Variants in TRAF2 observed in about 807,000 individuals in gnomAD.
TRAF2 encodes TNF receptor-associated factor 2.
A neutral mutation model predicts 55.6 loss-of-function variants in TRAF2; 6 were observed. That is an observed-to-expected ratio of 0.11 (90% CI 0.06 to 0.21). The LOEUF is 0.21. Among genes scored for constraint, TRAF2 ranks in the 10% least tolerant of loss-of-function variants. The probability of loss-of-function intolerance (pLI) is 1.00; values close to 1 mark genes in which losing one functional copy is unlikely to be tolerated. For synonymous variants in TRAF2, 329 were observed against 276.3 expected (o/e 1.19, Z -1.89); for missense variants, 561 against 684.5 (o/e 0.82, Z 2.01).
chr9:136,923,079 C>T (rs2131335145), intron 9 of TRAF2, among the ~76,000 whole-genome samples: 1 of 152,290 alleles, frequency 6.6e-6, no homozygotes. Flanking sequence ...CTGCCGGGTT[C>T]TGGCTGTCAC....
intron 6 of TRAF2, among the ~76,000 whole-genome samples, chr9:136,913,090 C>T (rs1196798705): frequency 1.3e-5 from 2 of 152,138 alleles, no homozygotes; most frequent in Non-Finnish European, 2.9e-5. Flanking sequence ...TCGCAGTGAG[C>T]CAAGATCGCG....
intron 6 of TRAF2, among the ~76,000 whole-genome samples, chr9:136,913,887 G>GC (rs1850180357): frequency 6.6e-6 from 1 of 152,070 alleles, no homozygotes; most frequent in African/African-American, 2.4e-5. Flanking sequence ...CCTCACCACT[G>GC]CCTGGGACAT....
chr9:136,924,155 G>A (rs1037569185), intron 10 of TRAF2, among the ~76,000 whole-genome samples, 155 bp downstream of exon 10: 14 of 152,206 alleles, frequency 9.2e-5, no homozygotes, highest in African/African-American at 3.4e-4. Context: ...GCTGTGTCAC[G>A]CGGTGGAGAG....
chr9:136,888,022 A>G (rs1354218371), intron 1 of TRAF2, among the ~76,000 whole-genome samples: 3 of 151,830 alleles, frequency 2.0e-5, no homozygotes, highest in Admixed American at 2.0e-4. Context: ...GGCGTGCACC[A>G]CCACGCCCGG....
chr9:136,920,005 A>C (rs1850344947), intron 7 of TRAF2, among the ~76,000 whole-genome samples: 1 of 152,184 alleles, frequency 6.6e-6, no homozygotes, highest in Non-Finnish European at 1.5e-5. Context: ...GTTGCTAGCT[A>C]CTGTGCCTGG....
chr9:136,907,925 C>T (rs1297219484), intron 4 of TRAF2, 145 bp from the exon 5 acceptor site: 4 of 989,068 alleles, frequency 4.0e-6, no homozygotes, highest in Non-Finnish European at 6.0e-6. Context: ...TGTGGGAGCC[C>T]TGAGAGCTAT....
intron 1 of TRAF2, among the ~76,000 whole-genome samples, chr9:136,892,089 G>C (rs1478089786): frequency 6.6e-6 from 1 of 152,092 alleles, no homozygotes; most frequent in East Asian, 1.9e-4. Flanking sequence ...ACACTGGCAT[G>C]ACTGCACTCA....
At position 136,926,380 on chromosome 9, in the gene TRAF2, C is replaced by A; in HGVS notation, c.*479C>A. On this transcript the variant is annotated 3_prime_UTR_variant, in exon 11 of 11. Coordinates refer to ENST00000247668, the MANE Select transcript of TRAF2 (RefSeq NM_021138.4). ...AAGGAAGGCTGAGCAGCTTGGTTCTCCCCTCTGGCCCCTGGAGAGAAGGGA... is the reference window on the plus strand; with the variant it reads ...AAGGAAGGCTGAGCAGCTTGGTTCTACCCTCTGGCCCCTGGAGAGAAGGGA... The A allele has an allele frequency of 6.5e-6, 2 of 308,592 alleles. No individual in the cohort carries two copies. Among genetic ancestry groups the A allele is most frequent in the East Asian group, 8.4e-5 (1 of 11,876 alleles). 19.1% of individuals were successfully genotyped at this position (308,592 alleles called of 1,614,324 possible). A position where few individuals can be genotyped will look rare whatever the true frequency, so the allele number is the denominator to read the frequency against.
chr9:136,909,948 C>G lies in TRAF2; in HGVS notation c.557C>G (p.Pro186Arg), dbSNP rs888104896. 11 of 1,614,050 alleles carry G rather than the reference C, an allele frequency of 6.8e-6. No individual in the cohort carries two copies. Among genetic ancestry groups the G allele is most frequent in the Middle Eastern group, 1.6e-4 (1 of 6,082 alleles). Residue 186 changes from proline (P) to arginine (R), a missense_variant, in exon 6 of 11, where the codon CCC becomes CGC. Transcript: ENST00000247668. ...KAHHEVCPKF[P>R]LTCDGCGKKK... ...CACCACGAGGTCTGCCCCAAGTTCCCCTTAACTTGTGACGGCTGCGGCAAG... is the reference window on the plus strand; with the variant it reads ...CACCACGAGGTCTGCCCCAAGTTCCGCTTAACTTGTGACGGCTGCGGCAAG...
chr9:136,894,869 A>G (rs946715751), intron 1 of TRAF2, among the ~76,000 whole-genome samples: 1 of 152,204 alleles, frequency 6.6e-6, no homozygotes, highest in African/African-American at 2.4e-5. Flanking sequence ...AGTCCCAGCC[A>G]CTGGAGAAAC....
chr9:136,911,867 T>TTTTTTTTTTG (rs71385780), intron 6 of TRAF2, among the ~76,000 whole-genome samples: 1 of 141,868 alleles, frequency 7.0e-6, no homozygotes, highest in Admixed American at 7.0e-5. Context: ...TTTTTTTTTT[T>TTTTTTTTTTG]GAGATGGAGT....
intron 5 of TRAF2, among the ~76,000 whole-genome samples, chr9:136,908,572 G>A (rs879520874): frequency 3.4e-5 from 5 of 148,904 alleles, no homozygotes; most frequent in Non-Finnish European, 7.4e-5. Flanking sequence ...AATGCAAAAA[G>A]TTAGCCAGGA....
At chr9:136,903,501 A>G (rs1401917916) in intron 4 of TRAF2, among the ~76,000 whole-genome samples, 1 of 151,678 alleles carries the variant, frequency 6.6e-6, no homozygotes, top group East Asian at 1.9e-4. Context: ...ATTTGCGTCA[A>G]ATGTGTAGTT....
At chr9:136,898,474 T>C (rs2784075) in intron 1 of TRAF2, 465,133 of 590,252 alleles carry the variant, frequency 0.79, 183,936 homozygotes, top group East Asian at 0.88. Flanking sequence ...GTTGTGTGGA[T>C]GCCAGCTGTG....
intron 1 of TRAF2, chr9:136,898,495 C>G: frequency 1.3e-6 from 1 of 797,448 alleles, no homozygotes; most frequent in South Asian, 5.7e-5. Flanking sequence ...TGGTCCCCAG[C>G]CTCACTGAGC....
At chr9:136,907,958 C>A in intron 4 of TRAF2, 112 bp from the exon 5 acceptor site, 1 of 1,393,192 alleles carries the variant, frequency 7.2e-7, no homozygotes, top group Non-Finnish European at 9.7e-7. Context: ...GCCCCCAGGA[C>A]CAGCATGCGG....
chr9:136,899,290 G>GT (rs1564408196), intron 2 of TRAF2, among the ~76,000 whole-genome samples: 5 of 152,232 alleles, frequency 3.3e-5, no homozygotes, highest in Admixed American at 3.3e-4. Context: ...GGTCTGAGAG[G>GT]TGTGGCCTGT....
chr9:136,898,023 C>T (rs1849725425), intron 1 of TRAF2, among the ~76,000 whole-genome samples: 1 of 112,920 alleles, frequency 8.9e-6, no homozygotes, highest in African/African-American at 3.5e-5. Context: ...GTGCTACGTT[C>T]CCGCTCTCAG....
At chr9:136,902,528 C>G (rs1849845282) in intron 4 of TRAF2, 1 of 152,292 alleles carries the variant, frequency 6.6e-6, no homozygotes, top group Non-Finnish European at 1.5e-5. Context: ...TAGCCAGCCC[C>G]TGGCCTGGGG....
Sources: allele counts gnomAD v4.1 joint callset (sites outside exome capture counted in the v4.1 genomes callset), GRCh38; gene constraint gnomAD v4.1.1; transcripts MANE v1.5; gene names NCBI Gene and HGNC (gene_info 2026-07-23, HGNC 2026-07-21).